The following CADPS variants were observed in gnomAD, a reference collection of about 807,000 sequenced individuals.
CADPS encodes calcium dependent secretion activator, also known as calcium-dependent secretion activator 1.
A neutral mutation model predicts 167.3 loss-of-function variants in CADPS; 57 were observed. That is an observed-to-expected ratio of 0.34 (90% CI 0.28 to 0.42). CADPS has a LOEUF of 0.42. CADPS is among the 20% of genes least tolerant of loss of function. The probability of loss-of-function intolerance (pLI) is 1.00; values close to 1 mark genes in which losing one functional copy is unlikely to be tolerated. For missense variants in CADPS, 1,414 were observed against 1,738.1 expected, an observed-to-expected ratio of 0.81 and a Z score of 3.32; for synonymous variants, 676 against 635.3, an observed-to-expected ratio of 1.06 and a Z score of -0.96.
chr3:62,782,499 C>T (rs2091820562), intron 1 of CADPS, among the ~76,000 whole-genome samples: 1 of 152,164 alleles, frequency 6.6e-6, no homozygotes, highest in Non-Finnish European at 1.5e-5. Flanking sequence ...CAACACTTTA[C>T]TTAATGTGTC....
At chr3:62,619,935 T>C (rs1411602869) in intron 6 of CADPS, among the ~76,000 whole-genome samples, 1 of 152,180 alleles carries the variant, frequency 6.6e-6, no homozygotes, top group Non-Finnish European at 1.5e-5. Context: ...ACACATCTCT[T>C]GGTTTGAGGT....
chr3:62,633,353 T>C (rs1353899568), intron 6 of CADPS, among the ~76,000 whole-genome samples: 2 of 152,156 alleles, frequency 1.3e-5, no homozygotes, highest in African/African-American at 4.8e-5. Flanking sequence ...CTTCTCCATA[T>C]AGCAGCCACA....
intron 13 of CADPS, among the ~76,000 whole-genome samples, chr3:62,525,701 G>A (rs1273367471): frequency 1.3e-5 from 2 of 151,724 alleles, no homozygotes; most frequent in Non-Finnish European, 2.9e-5. Context: ...GTGTGTGTGT[G>A]TGTATGTGTG....
intron 18 of CADPS, among the ~76,000 whole-genome samples, chr3:62,496,816 A>G (rs2064884903): frequency 6.6e-6 from 1 of 152,168 alleles, no homozygotes; most frequent in African/African-American, 2.4e-5. Context: ...AAAAGCACCA[A>G]GGTAGTTGCC....
chr3:62,588,251 T>C (rs1338425592), intron 7 of CADPS, among the ~76,000 whole-genome samples: 2 of 151,942 alleles, frequency 1.3e-5, no homozygotes, highest in African/African-American at 4.8e-5. Context: ...TGAGACTGTA[T>C]GACTGGATTC....
chr3:62,699,428 G>A (rs558335708), intron 3 of CADPS, among the ~76,000 whole-genome samples: 2 of 152,248 alleles, frequency 1.3e-5, no homozygotes, highest in South Asian at 4.1e-4. Context: ...CACCCCCAGA[G>A]ATTCTAATCT....
intron 6 of CADPS, among the ~76,000 whole-genome samples, chr3:62,592,982 G>C (rs2086393426): frequency 6.6e-6 from 1 of 152,188 alleles, no homozygotes; most frequent in African/African-American, 2.4e-5. Context: ...GCACTATAAG[G>C]AATGACTTGA....
chr3:62,512,283 C>A (rs1342468555), intron 17 of CADPS, among the ~76,000 whole-genome samples: 3 of 152,142 alleles, frequency 2.0e-5, no homozygotes, highest in Non-Finnish European at 4.4e-5. Context: ...CCTGTCCATG[C>A]TTCCTGCTTT....
At chr3:62,643,780 G>T (rs2067933089) in intron 6 of CADPS, among the ~76,000 whole-genome samples, 10 of 152,134 alleles carry the variant, frequency 6.6e-5, no homozygotes. Context: ...CATCTTAAAA[G>T]GTTGCCAGAA....
intron 1 of CADPS, among the ~76,000 whole-genome samples, chr3:62,801,381 T>C (rs1239334832): frequency 6.6e-6 from 1 of 152,134 alleles, no homozygotes; most frequent in Non-Finnish European, 1.5e-5. Flanking sequence ...TTATTTGCCA[T>C]AGGGATGATG....
intron 28 of CADPS, chr3:62,403,405 T>C: frequency 2.9e-6 from 1 of 349,992 alleles, no homozygotes. Context: ...CTAAGACAGT[T>C]AGGACTTCGA....
intron 1 of CADPS, among the ~76,000 whole-genome samples, chr3:62,786,498 A>C (rs2092444112): frequency 6.6e-6 from 1 of 152,066 alleles, no homozygotes; most frequent in Non-Finnish European, 1.5e-5. Context: ...TACATTAGCT[A>C]GGTATGGTGT....
intron 1 of CADPS, among the ~76,000 whole-genome samples, chr3:62,843,492 G>GCTGTGTGTGTGTGTGT (rs2076927231): frequency 6.7e-6 from 1 of 149,016 alleles, no homozygotes; most frequent in Non-Finnish European, 1.5e-5. Context: ...TGGCAGTTGG[G>GCTGTGTGTGTGTGTGT]GTGTGTGTGT....
intron 1 of CADPS, among the ~76,000 whole-genome samples, chr3:62,850,895 A>T (rs2078424223): frequency 2.0e-5 from 3 of 151,632 alleles, no homozygotes. Flanking sequence ...CCCATTATTA[A>T]TGTGTGGGAG....
At position 62,465,535 on chromosome 3, in the gene CADPS, G is replaced by C. The variant is rs1262245074; in HGVS notation, c.3553-85C>G. 3.3e-6 allele frequency: 3 copies of C among 900,782 alleles called. No homozygotes were observed. In the Admixed American group the frequency reaches 7.1e-5, roughly 21 times the overall value. 55.8% of individuals were successfully genotyped at this position (900,782 alleles called of 1,614,324 possible). ...GCACATCATTTCCCCACCACATAAA[G>C]GCTGGGATCGAGCCCTCCGTTCATT... On this transcript the variant is annotated intron_variant, in intron 25 of 29. Transcript: ENST00000383710. This position sits in a 1 kb window ranked among gnomAD's most constrained non-coding sequence, Gnocchi z 4.1.
rs1161823554 is a variant in CADPS, at chr3:62,549,997, C to T, written c.1872G>A (p.Gly624=). The T allele has an allele frequency of 1.1e-5, 17 of 1,613,968 alleles. No individual in the cohort carries two copies. Among genetic ancestry groups the T allele is most frequent in the Admixed American group, 1.7e-5 (1 of 59,982 alleles). The change falls in exon 11 of 30, where the codon GGG becomes GGA. Residue 624 remains glycine, a synonymous_variant. Coordinates refer to ENST00000383710, the MANE Select transcript of CADPS (RefSeq NM_003716.4). ...LWVQAMYRAT[G]QSHKPVPPTQ... ...TCGGGGGCACAGGCTTGTGTGACTG[C>T]CCCGTGGCCCGATACATGGCCTGGA...
chr3:62,765,050 G>A lies in CADPS; in HGVS notation c.555+821C>T, dbSNP rs529356889. 2.6e-5 allele frequency among the ~76,000 whole-genome samples: 4 copies of A among 152,180 alleles called. No individual in the cohort carries two copies. The South Asian group carries it at 8.3e-4, about 32-fold the overall frequency. The stretch of plus-strand genomic sequence containing the variant: ...TCCAAACACAGAGAGTATTTACCTG[G>A]TTCACATTAAAATAGATTAATATAA... On this transcript the variant is annotated intron_variant, in intron 2 of 29. Coordinates refer to ENST00000383710, the MANE Select transcript of CADPS (RefSeq NM_003716.4).
intron 4 of CADPS, among the ~76,000 whole-genome samples, chr3:62,651,408 A>G (rs1240195052): frequency 6.6e-6 from 1 of 152,208 alleles, no homozygotes; most frequent in African/African-American, 2.4e-5. Flanking sequence ...TATTTTTCAA[A>G]TATGGTTTCA....
In CADPS at chr3:62,446,354, G is replaced by A. The variant is rs191702327; in HGVS notation, c.3637-557C>T. ...GCCGTTATGTCTCCTGCTTTTACGT[G>A]CTAAAAATTCCAGATGGGAAGTGCA... On this transcript the variant is annotated intron_variant, in intron 26 of 29. Transcript: ENST00000383710. The surrounding 1 kb of genome is among the most constrained non-coding windows in gnomAD (Gnocchi z 4.9). Among the ~76,000 whole-genome samples the A allele has an allele frequency of 6.6e-6, 1 of 152,140 alleles. No homozygotes were observed. Among genetic ancestry groups the A allele is most frequent in the Non-Finnish European group, 1.5e-5 (1 of 68,016 alleles).
Sources: gnomAD v4.1 joint callset for allele counts (sites outside exome capture counted in the v4.1 genomes callset) on GRCh38, gnomAD v4.1.1 for gene constraint, Gnocchi (gnomAD v3.1) non-coding constraint, MANE v1.5 for transcripts, NCBI Gene and HGNC (gene_info 2026-07-23, HGNC 2026-07-21) for gene names.